Variants in NLGN1 observed in about 807,000 individuals in gnomAD.
NLGN1 encodes the protein neuroligin 1.
In NLGN1, 12 loss-of-function variants were observed where a neutral mutation model predicts 65.5. The observed-to-expected ratio is 0.18, with a 90% CI of 0.12 to 0.30. NLGN1 has a LOEUF of 0.30. Ranked by LOEUF, NLGN1 falls within the 10% of genes least tolerant of loss-of-function variation. The pLI is 1.00. For synonymous variants in NLGN1, 350 were observed against 359.5 expected (o/e 0.97, Z 0.30); for missense variants, 750 against 1,007.1 (o/e 0.74, Z 3.46).
intron 2 of NLGN1, among the ~76,000 whole-genome samples, chr3:173,545,909 A>G (rs1180504888): frequency 1.3e-5 from 2 of 151,972 alleles, no homozygotes; most frequent in African/African-American, 2.4e-5. Flanking sequence ...ACACATGGAC[A>G]CAGGGAGGGG....
intron 4 of NLGN1, among the ~76,000 whole-genome samples, chr3:174,157,329 G>A (rs771766762): frequency 3.3e-4 from 50 of 151,632 alleles, no homozygotes; most frequent in Non-Finnish European, 6.0e-4. Context: ...TCATCATTGC[G>A]TATTAGCATA....
intron 4 of NLGN1, among the ~76,000 whole-genome samples, chr3:174,241,064 C>T (rs1445296460): frequency 6.6e-6 from 1 of 152,160 alleles, no homozygotes; most frequent in African/African-American, 2.4e-5. Context: ...CCATCCTCAT[C>T]CAACCCCTTC....
chr3:174,290,562 G>A (rs533413995), downstream of NLGN1, among the ~76,000 whole-genome samples: 115 of 151,012 alleles, frequency 7.6e-4, no homozygotes, highest in African/African-American at 2.7e-3. Flanking sequence ...TAAAGAAAAC[G>A]AATAACAAGT....
Position 173,808,607 on chromosome 3 carries a change from C to A in NLGN1, c.646+775C>A, listed in dbSNP as rs578033725. Among the ~76,000 whole-genome samples the A allele has an allele frequency of 4.6e-5, 7 of 152,150 alleles. No homozygotes were observed. The East Asian group carries it at 1.3e-3, about 29-fold the overall frequency. ...TACCACAATTTGAGGAGTAAAATTA[C>A]TGTATGATTTAGTAAAACATCTTTA... On this transcript the variant is annotated intron_variant, in intron 4 of 6. Coordinates refer to ENST00000457714, the Ensembl canonical transcript of NLGN1.
intron 4 of NLGN1, among the ~76,000 whole-genome samples, chr3:173,864,048 A>C (rs1729649155): frequency 6.6e-6 from 1 of 152,198 alleles, no homozygotes; most frequent in Non-Finnish European, 1.5e-5. Context: ...AGCTATGATA[A>C]AAAAGGAAAC....
intron 4 of NLGN1, among the ~76,000 whole-genome samples, chr3:174,081,690 G>A (rs1381963900): frequency 6.7e-6 from 1 of 148,866 alleles, no homozygotes; most frequent in Non-Finnish European, 1.5e-5. Context: ...TCCTGCCTCA[G>A]CCTCCCGAGT....
chr3:173,699,950 T>C (rs1358569939), intron 3 of NLGN1, among the ~76,000 whole-genome samples: 1 of 152,188 alleles, frequency 6.6e-6, no homozygotes, highest in East Asian at 1.9e-4. Flanking sequence ...CACTGGAGCA[T>C]AATTTATTAA....
At chr3:173,587,450 G>A (rs1577404125) in intron 2 of NLGN1, among the ~76,000 whole-genome samples, 1 of 152,212 alleles carries the variant, frequency 6.6e-6, no homozygotes. Flanking sequence ...AAAAGTTGCG[G>A]CCAGTAAACG....
intron 4 of NLGN1, among the ~76,000 whole-genome samples, chr3:174,163,239 T>C (rs1726894760): frequency 6.6e-6 from 1 of 152,026 alleles, no homozygotes; most frequent in African/African-American, 2.4e-5. Flanking sequence ...TTACCCACTT[T>C]AAAAATTTTT....
At chr3:174,015,213 A>G (rs1726307308) in intron 4 of NLGN1, among the ~76,000 whole-genome samples, 1 of 152,214 alleles carries the variant, frequency 6.6e-6, no homozygotes. Context: ...AGAAGCTATT[A>G]TCAAGTTATG....
At chr3:173,803,653 A>C (rs569281512) in intron 3 of NLGN1, among the ~76,000 whole-genome samples, 101 of 152,168 alleles carry the variant, frequency 6.6e-4, no homozygotes, top group African/African-American at 2.4e-3. Flanking sequence ...AGTTCAAGAC[A>C]ATTTTTTGTA....
At chr3:173,799,949 T>A (rs1268845073) in intron 3 of NLGN1, among the ~76,000 whole-genome samples, 2 of 151,504 alleles carry the variant, frequency 1.3e-5, no homozygotes, top group Non-Finnish European at 3.0e-5. Flanking sequence ...AGACACTGAA[T>A]AAATTAAGTT....
In NLGN1 at chr3:173,483,720, A is replaced by G. The variant is rs77784737; in HGVS notation, c.-321+48642A>G. 6.4e-3 allele frequency among the ~76,000 whole-genome samples: 978 copies of G among 152,250 alleles called. 15 individuals carry two copies. Among genetic ancestry groups the G allele is most frequent in the African/African-American group, 0.023 (945 of 41,546 alleles). ...TGTATGGCAAAAGCCCCTGACTTAT[A>G]GAGTGGAAGGGCCCTTGCAGATCAT... On this transcript the variant is annotated intron_variant, in intron 2 of 6. Transcript: ENST00000457714.
chr3:174,225,527 C>T (rs867170735), intron 4 of NLGN1, among the ~76,000 whole-genome samples: 3 of 152,228 alleles, frequency 2.0e-5, no homozygotes, highest in African/African-American at 7.2e-5. Context: ...GTCAGGAGAT[C>T]AAGACCATCC....
chr3:173,631,429 G>T (rs909581655), intron 3 of NLGN1, among the ~76,000 whole-genome samples: 32 of 151,990 alleles, frequency 2.1e-4, no homozygotes, highest in Non-Finnish European at 4.4e-5. Context: ...CTTTGCACTT[G>T]GTGTGTGTGT....
At chr3:173,561,851 A>G (rs929899681) in intron 2 of NLGN1, among the ~76,000 whole-genome samples, 7 of 152,194 alleles carry the variant, frequency 4.6e-5, no homozygotes, top group African/African-American at 1.7e-4. Context: ...TGGGAGAGAG[A>G]AAACGTGCAC....
chr3:174,140,702 T>C (rs1360730493), intron 4 of NLGN1, among the ~76,000 whole-genome samples: 1 of 152,188 alleles, frequency 6.6e-6, no homozygotes, highest in Non-Finnish European at 1.5e-5. Context: ...TTGCTCTTGG[T>C]TGACAATATC....
intron 4 of NLGN1, among the ~76,000 whole-genome samples, chr3:173,826,620 CGAGGGTGTTAAT>C (rs1721386962): frequency 6.6e-6 from 1 of 151,842 alleles, no homozygotes; most frequent in African/African-American, 2.4e-5. Context: ...GGGCTTCTGC[CGAGGGTGTTAAT>C]GATGATTCAT....
intron 4 of NLGN1, among the ~76,000 whole-genome samples, chr3:173,949,357 TAC>T (rs918405209): frequency 3.3e-5 from 5 of 152,168 alleles, no homozygotes; most frequent in African/African-American, 1.2e-4. Context: ...CTTCTTAATC[TAC>T]AGAGTGGAAA....
Sources: allele counts gnomAD v4.1 joint callset (sites outside exome capture counted in the v4.1 genomes callset), GRCh38; gene constraint gnomAD v4.1.1; transcripts MANE v1.5; gene names NCBI Gene and HGNC (gene_info 2026-07-23, HGNC 2026-07-21).